DPYSL3: variants seen among roughly 807,000 people sequenced by gnomAD.
DPYSL3 encodes the protein dihydropyrimidinase-related protein 3.
DPYSL3 carries 16 observed loss-of-function variants against 66.1 expected under a neutral mutation model. That is an observed-to-expected ratio of 0.24 (90% CI 0.16 to 0.37). DPYSL3 has a LOEUF of 0.37. Among genes scored for constraint, DPYSL3 ranks in the 10% least tolerant of loss-of-function variants. The probability of loss-of-function intolerance (pLI) is 1.00; values close to 1 mark genes in which losing one functional copy is unlikely to be tolerated. For synonymous variants in DPYSL3, 338 were observed against 345.1 expected, an observed-to-expected ratio of 0.98 and a Z score of 0.23; for missense variants, 738 against 916.2, an observed-to-expected ratio of 0.81 and a Z score of 2.51.
intron 1 of DPYSL3, among the ~76,000 whole-genome samples, chr5:147,469,656 T>C (rs1370966148): frequency 6.6e-6 from 1 of 152,118 alleles, no homozygotes; most frequent in East Asian, 1.9e-4. Context: ...TCCATGGATA[T>C]ATATATTTTT....
intron 2 of DPYSL3, 68 bp downstream of exon 2, chr5:147,424,807 C>T: frequency 8.2e-7 from 1 of 1,217,672 alleles, no homozygotes; most frequent in Non-Finnish European, 1.2e-6. Flanking sequence ...TGTAATCCAA[C>T]CTCCTTTATG....
At chr5:147,449,554 C>T (rs543215666) in intron 1 of DPYSL3, among the ~76,000 whole-genome samples, 41 of 152,352 alleles carry the variant, frequency 2.7e-4, no homozygotes, top group African/African-American at 9.9e-4. Context: ...ATCTCAGCTG[C>T]ACGTGCCTCC....
intron 10 of DPYSL3, 94 bp from the exon 11 acceptor site, chr5:147,399,346 T>C (rs761723248): frequency 2.9e-5 from 41 of 1,400,756 alleles, no homozygotes; most frequent in African/African-American, 1.2e-4. Flanking sequence ...CACAAAGGCA[T>C]AGAAATACAA....
In DPYSL3 at chr5:147,395,612, G is replaced by A; in HGVS notation, c.1913C>T (p.Thr638Ile). The A allele has an allele frequency of 6.2e-7, 1 of 1,614,078 alleles. No individual in the cohort carries two copies. The highest frequency in any genetic ancestry group is 1.1e-5 in the South Asian group (1 of 91,066). Residue 638 changes from threonine to isoleucine, a missense_variant, in exon 13 of 14, where the codon ACT (threonine) becomes ATT (isoleucine). By Grantham distance (89) the Thr-to-Ile change is moderately conservative. Coordinates refer to ENST00000343218, the MANE Select transcript of DPYSL3 (RefSeq NM_001197294.2). ...ATTCCTCACAGGTGGGTTCGGCCGAGTAGGAGAGCCCCGAGCAGAGCCTGC... is the reference window on the plus strand; with the variant it reads ...ATTCCTCACAGGTGGGTTCGGCCGAATAGGAGAGCCCCGAGCAGAGCCTGC... ...TPAGSARGSP[T>I]RPNPPVRNLH... is the part of the protein sequence containing the mutation.
At chr5:147,473,320 A>G (rs1753110866) in intron 1 of DPYSL3, 1 of 152,184 alleles carries the variant, frequency 6.6e-6, no homozygotes, top group South Asian at 2.1e-4. Flanking sequence ...GTGGAGACCA[A>G]CAGCCAAGTT....
At chr5:147,473,965 T>C (rs1753120720) in intron 1 of DPYSL3, among the ~76,000 whole-genome samples, 1 of 152,132 alleles carries the variant, frequency 6.6e-6, no homozygotes, top group Admixed American at 6.6e-5. Context: ...CAAAGTCTCA[T>C]TTTTATCAAT....
intron 1 of DPYSL3, among the ~76,000 whole-genome samples, chr5:147,483,680 A>G (rs1753285974): frequency 6.6e-6 from 1 of 152,214 alleles, no homozygotes; most frequent in Non-Finnish European, 1.5e-5. Flanking sequence ...AGGGGTTAAC[A>G]AGTATTTATT....
chr5:147,442,512 G>A (rs998830428), intron 1 of DPYSL3, among the ~76,000 whole-genome samples: 4 of 152,182 alleles, frequency 2.6e-5, no homozygotes, highest in South Asian at 2.1e-4. Context: ...TCTGATACTC[G>A]TGAGCTGAGT....
intron 1 of DPYSL3, among the ~76,000 whole-genome samples, chr5:147,469,164 C>T (rs1487468922): frequency 6.6e-6 from 1 of 152,180 alleles, no homozygotes; most frequent in African/African-American, 2.4e-5. Context: ...TGCTTGATGT[C>T]AGTAATTTTC....
intron 2 of DPYSL3, 117 bp downstream of exon 2, chr5:147,424,758 A>G: frequency 1.3e-6 from 1 of 775,338 alleles, no homozygotes; most frequent in South Asian, 2.1e-5. Flanking sequence ...ATCTCACTTC[A>G]TTCTGTTGAT....
At chr5:147,438,312 AC>A (rs1486414410) in intron 1 of DPYSL3, among the ~76,000 whole-genome samples, 1 of 152,230 alleles carries the variant, frequency 6.6e-6, no homozygotes, top group Non-Finnish European at 1.5e-5. Flanking sequence ...TGCTCTGAGA[AC>A]AAGGACTTCA....
At chr5:147,507,754 G>A (rs764562169) in intron 1 of DPYSL3, among the ~76,000 whole-genome samples, 1 of 152,152 alleles carries the variant, frequency 6.6e-6, no homozygotes, top group East Asian at 1.9e-4. Flanking sequence ...TTCTCAATTA[G>A]TAGCCAAAAG....
intron 6 of DPYSL3, among the ~76,000 whole-genome samples, chr5:147,411,431 G>A (rs1400311284): frequency 6.6e-6 from 1 of 152,126 alleles, no homozygotes; most frequent in Admixed American, 6.5e-5. Flanking sequence ...TGCCATCTCT[G>A]AGTAAAGATA....
At chr5:147,443,807 A>C (rs1395463143) in intron 1 of DPYSL3, among the ~76,000 whole-genome samples, 1 of 152,156 alleles carries the variant, frequency 6.6e-6, no homozygotes, top group Non-Finnish European at 1.5e-5. Flanking sequence ...TTGCTAATTC[A>C]ATGCAAAGAT....
intron 1 of DPYSL3, among the ~76,000 whole-genome samples, chr5:147,435,940 G>T (rs1752407250): frequency 6.6e-6 from 1 of 151,946 alleles, no homozygotes. Flanking sequence ...GGGAGGGAGT[G>T]GTTATTGGAA....
chr5:147,448,917 TGATCA>T (rs1352251244), intron 1 of DPYSL3, among the ~76,000 whole-genome samples: 1 of 152,214 alleles, frequency 6.6e-6, no homozygotes, highest in Non-Finnish European at 1.5e-5. Context: ...GAGACTTCCA[TGATCA>T]GATATCTAAG....
In DPYSL3 at chr5:147,394,009, T is replaced by C. The variant is rs1462775350; in HGVS notation, c.*26A>G. On this transcript the variant is annotated 3_prime_UTR_variant, in exon 14 of 14. Coordinates refer to ENST00000343218, the MANE Select transcript of DPYSL3 (RefSeq NM_001197294.2). ...CTTCAAAACAATCTCTTCTTGCTTC[T>C]GCCCCTCTCTTTGAGGAAGGCTTGC... 6.2e-7 allele frequency: 1 copy of C among 1,611,570 alleles called. No individual in the cohort carries two copies. The highest frequency in any genetic ancestry group is 8.5e-7 in the Non-Finnish European group (1 of 1,178,014).
At chr5:147,422,762 C>G (rs552803747) in intron 2 of DPYSL3, among the ~76,000 whole-genome samples, 17 of 152,074 alleles carry the variant, frequency 1.1e-4, no homozygotes, top group Non-Finnish European at 2.1e-4. Context: ...GAACAGGAAA[C>G]CAAACACCGC....
chr5:147,451,851 T>C (rs1467837340), intron 1 of DPYSL3, among the ~76,000 whole-genome samples: 1 of 152,186 alleles, frequency 6.6e-6, no homozygotes, highest in African/African-American at 2.4e-5. Flanking sequence ...TCTTTCTTTC[T>C]TTTTTTGGAT....
Sources: allele counts gnomAD v4.1 joint callset (sites outside exome capture counted in the v4.1 genomes callset), GRCh38; gene constraint gnomAD v4.1.1; transcripts MANE v1.5; gene names NCBI Gene and HGNC (gene_info 2026-07-23, HGNC 2026-07-21).